The following STRN variants were observed in gnomAD, a reference collection of about 807,000 sequenced individuals.
The protein encoded by STRN is striatin, also known as protein phosphatase 2 regulatory subunit B'''alpha.
STRN carries 53 observed loss-of-function variants against 96.3 expected under a neutral mutation model. That is an observed-to-expected ratio of 0.55 (90% CI 0.44 to 0.69). The LOEUF (loss-of-function observed/expected upper bound fraction) is 0.69. Ranked by LOEUF, STRN falls within the 30% of genes least tolerant of loss-of-function variation. The pLI is 0.00. For synonymous variants in STRN, 428 were observed against 355.9 expected (o/e 1.20, Z -2.28); for missense variants, 987 against 963.9 (o/e 1.02, Z -0.32).
At chr2:36,900,608 T>C (rs1669656680) in intron 5 of STRN, among the ~76,000 whole-genome samples, 1 of 152,150 alleles carries the variant, frequency 6.6e-6, no homozygotes, top group African/African-American at 2.4e-5. Context: ...TAGTAAAGAC[T>C]GGCTGGACGC....
In STRN at chr2:36,861,114, C is replaced by A; in HGVS notation, c.1669+18G>T. On this transcript the variant is annotated intron_variant, in intron 13 of 17. Coordinates refer to ENST00000263918, the MANE Select transcript of STRN (RefSeq NM_003162.4). ...AAAAACCAATTTTATTCCTTCAGAT[C>A]TTTGGGAAATCACCTACCATAAGAA... 1 of 1,611,390 alleles carries A rather than the reference C, an allele frequency of 6.2e-7. No homozygotes were observed. Among genetic ancestry groups the A allele is most frequent in the East Asian group, 2.2e-5 (1 of 44,842 alleles).
chr2:36,927,511 A>C (rs1451408577), intron 1 of STRN, among the ~76,000 whole-genome samples: 1 of 98,278 alleles, frequency 1.0e-5, no homozygotes, highest in African/African-American at 4.6e-5. Context: ...CCTATATCAA[A>C]AAAACAAAAA....
chr2:36,880,152 G>A (rs1033016900), intron 9 of STRN, among the ~76,000 whole-genome samples: 11 of 152,112 alleles, frequency 7.2e-5, no homozygotes, highest in African/African-American at 1.4e-4. Flanking sequence ...ATTTTTAGTC[G>A]AGATGGGGTT....
chr2:36,859,407 G>C (rs1668423465), intron 13 of STRN, among the ~76,000 whole-genome samples: 1 of 152,214 alleles, frequency 6.6e-6, no homozygotes, highest in Non-Finnish European at 1.5e-5. Flanking sequence ...TAATTAGTAA[G>C]TGGGGACAGT....
In STRN at chr2:36,839,385, T is replaced by G. The variant is rs1363715826; in HGVS notation, c.*10071A>C. ...TGGCATATAGCTGGCACTCAAATAT[T>G]AAGGAAAGTAGTCTTCTGCTACTCT... is the stretch of plus-strand genomic sequence containing the variant. On this transcript the variant is annotated 3_prime_UTR_variant, in exon 18 of 18. Transcript: ENST00000263918. 2.0e-5 allele frequency among the ~76,000 whole-genome samples: 3 copies of G among 152,178 alleles called. No individual in the cohort carries two copies. The highest frequency in any genetic ancestry group is 4.4e-5 in the Non-Finnish European group (3 of 68,032).
intron 3 of STRN, among the ~76,000 whole-genome samples, chr2:36,908,949 C>T (rs933208126): frequency 1.3e-5 from 2 of 151,628 alleles, no homozygotes; most frequent in Non-Finnish European, 2.9e-5. Flanking sequence ...TCACTACACT[C>T]CAGCCTGGGC....
rs1016868790 is a variant in STRN, at chr2:36,865,275, A to T, written c.1547+2539T>A. Among the ~76,000 whole-genome samples the T allele has an allele frequency of 2.6e-5, 4 of 152,204 alleles. No individual in the cohort carries two copies. The South Asian group carries it at 8.3e-4, about 32-fold the overall frequency. ...AGTTTGTGTGCACAGAGGTGTTCAT[A>T]ACAGTTTCTGGCTGGTTTTTGTATT... On this transcript the variant is annotated intron_variant, in intron 12 of 17. Transcript: ENST00000263918.
intron 2 of STRN, 123 bp downstream of exon 2, chr2:36,924,982 G>A (rs1180182344): frequency 8.1e-6 from 6 of 736,606 alleles, no homozygotes; most frequent in Admixed American, 2.5e-5. Context: ...CTTGAAACCG[G>A]GAGGCGGAGG....
rs372664887 is a variant in STRN, at chr2:36,925,098, G to C, written c.338+7C>G. The C allele has an allele frequency of 9.6e-5, 153 of 1,600,460 alleles. No homozygotes were observed. Among genetic ancestry groups the C allele is most frequent in the Admixed American group, 1.7e-5 (1 of 59,162 alleles). ...AAAGAACACCACTTTTCATTTTACT[G>C]AATTACCTTTCCTGTTTAAGAGCAT... is the stretch of plus-strand genomic sequence containing the variant. On this transcript the variant is annotated splice_region_variant and intron_variant, in intron 2 of 17. Coordinates refer to ENST00000263918, the MANE Select transcript of STRN (RefSeq NM_003162.4).
At chr2:36,944,104 G>A (rs1226053879) in intron 1 of STRN, among the ~76,000 whole-genome samples, 1 of 152,078 alleles carries the variant, frequency 6.6e-6, no homozygotes, top group Non-Finnish European at 1.5e-5. Flanking sequence ...TGGGCAACAA[G>A]AGTGAAACGC....
intron 10 of STRN, among the ~76,000 whole-genome samples, chr2:36,873,589 T>C (rs1668821654): frequency 6.6e-6 from 1 of 151,932 alleles, no homozygotes; most frequent in Non-Finnish European, 1.5e-5. Flanking sequence ...ATAATGTTGA[T>C]TGTGTTCAAG....
intron 3 of STRN, among the ~76,000 whole-genome samples, chr2:36,912,953 T>G (rs531226322): frequency 1.3e-5 from 2 of 152,358 alleles, no homozygotes; most frequent in South Asian, 4.1e-4. Context: ...GCAGCACATA[T>G]ACTAAAATTA....
At chr2:36,952,683 T>G (rs1369608756) in intron 1 of STRN, among the ~76,000 whole-genome samples, 1 of 152,188 alleles carries the variant, frequency 6.6e-6, no homozygotes, top group African/African-American at 2.4e-5. Context: ...AATGAAACTA[T>G]TATTAATGTT....
intron 15 of STRN, among the ~76,000 whole-genome samples, chr2:36,852,232 G>T (rs934905228): frequency 2.3e-4 from 35 of 152,092 alleles, no homozygotes; most frequent in African/African-American, 7.5e-4. Context: ...AGTGATTTCT[G>T]TTAAGCTTTT....
At chr2:36,871,896 T>C (rs550328562) in intron 10 of STRN, among the ~76,000 whole-genome samples, 24 of 152,174 alleles carry the variant, frequency 1.6e-4, no homozygotes, top group African/African-American at 5.1e-4. Context: ...AAAAAATGGA[T>C]AGAACATGTC....
Position 36,929,406 on chromosome 2 carries a change from C to T in STRN, c.235-4198G>A, listed in dbSNP as rs190144024. ...CCACCCCTTTTTTTTTCTTTTGAGA[C>T]GGAGTCTCGCTCTGTCGCCCAGGCT... On this transcript the variant is annotated intron_variant, in intron 1 of 17. Coordinates refer to ENST00000263918, the MANE Select transcript of STRN (RefSeq NM_003162.4). 8.1e-5 allele frequency among the ~76,000 whole-genome samples: 12 copies of T among 149,040 alleles called. No homozygotes were observed. The East Asian group carries it at 1.5e-3, about 18-fold the overall frequency.
chr2:36,909,143 TAG>T (rs1669901283), intron 3 of STRN, among the ~76,000 whole-genome samples: 1 of 133,178 alleles, frequency 7.5e-6, no homozygotes, highest in Admixed American at 8.4e-5. Context: ...GCAACAGAGC[TAG>T]AGACTTCATC....
At chr2:36,910,248 A>G (rs1361334386) in intron 3 of STRN, among the ~76,000 whole-genome samples, 1 of 152,070 alleles carries the variant, frequency 6.6e-6, no homozygotes, top group Admixed American at 6.5e-5. Flanking sequence ...TCCATATTAC[A>G]AGACACGTGA....
chr2:36,864,991 A>G (rs1039848442), intron 12 of STRN, among the ~76,000 whole-genome samples: 2 of 152,232 alleles, frequency 1.3e-5, no homozygotes, highest in Admixed American at 1.3e-4. Context: ...CTGGGATTAC[A>G]GGCGTGAGCC....
Sources: gnomAD v4.1 joint callset for allele counts (sites outside exome capture counted in the v4.1 genomes callset) on GRCh38, gnomAD v4.1.1 for gene constraint, MANE v1.5 for transcripts, NCBI Gene and HGNC (gene_info 2026-07-23, HGNC 2026-07-21) for gene names.